PDE2A: variants seen among roughly 807,000 people sequenced by gnomAD.
PDE2A encodes cGMP-dependent 3',5'-cyclic phosphodiesterase.
A neutral mutation model predicts 133.6 loss-of-function variants in PDE2A; 53 were observed. The observed-to-expected ratio is 0.40, with a 90% CI of 0.32 to 0.50. The LOEUF (loss-of-function observed/expected upper bound fraction) is 0.50. Among genes scored for constraint, PDE2A ranks in the 20% least tolerant of loss-of-function variants. PDE2A has a pLI of 0.73. For synonymous variants in PDE2A, 491 were observed against 490.2 expected (o/e 1.00, Z -0.02); for missense variants, 796 against 1,232.4 (o/e 0.65, Z 5.30).
chr11:72,595,371 C>T (rs989587643), intron 6 of PDE2A, among the ~76,000 whole-genome samples: 6 of 152,044 alleles, frequency 3.9e-5, no homozygotes, highest in African/African-American at 1.2e-4. Context: ...TAGGGGGAGG[C>T]GACCCCCTGA....
chr11:72,641,392 C>A (rs545797160), intron 2 of PDE2A, among the ~76,000 whole-genome samples: 1 of 152,288 alleles, frequency 6.6e-6, no homozygotes, highest in East Asian at 1.9e-4. Context: ...CTCCTCACCA[C>A]AAAGCAGAGG....
chr11:72,650,274 T>G (rs1036576561), intron 1 of PDE2A, among the ~76,000 whole-genome samples: 1 of 152,016 alleles, frequency 6.6e-6, no homozygotes, highest in Non-Finnish European at 1.5e-5. Context: ...CCATCTGCCT[T>G]GGCCTCCCAA....
chr11:72,596,722 G>T (rs148193082), intron 5 of PDE2A, 74 bp from the exon 6 acceptor site: 38 of 952,778 alleles, frequency 4.0e-5, no homozygotes, highest in Admixed American at 9.5e-5. Flanking sequence ...GGACCCAGGT[G>T]GGGGAGACAA....
At chr11:72,614,054 C>T (rs899915878) in intron 2 of PDE2A, among the ~76,000 whole-genome samples, 2 of 152,260 alleles carry the variant, frequency 1.3e-5, no homozygotes, top group Non-Finnish European at 2.9e-5. Context: ...CCCCTGGCCT[C>T]AGCCCAGCAC....
intron 19 of PDE2A, 31 bp downstream of exon 19, chr11:72,584,170 C>T (rs775674150): frequency 2.3e-6 from 2 of 872,804 alleles, no homozygotes; most frequent in Admixed American, 3.8e-5. Flanking sequence ...CCCCCTATCA[C>T]CCCACACCCC....
At chr11:72,655,875 A>G (rs1242889973) in intron 1 of PDE2A, among the ~76,000 whole-genome samples, 1 of 152,196 alleles carries the variant, frequency 6.6e-6, no homozygotes, top group African/African-American at 2.4e-5. Context: ...CTATTCCCTA[A>G]CCCTCGGGCC....
chr11:72,586,774 G>T (rs1013168306), intron 13 of PDE2A, among the ~76,000 whole-genome samples: 2 of 152,188 alleles, frequency 1.3e-5, no homozygotes, highest in Admixed American at 1.3e-4. Flanking sequence ...CAATGGTGTG[G>T]GTCATGGGAA....
At chr11:72,595,035 GACACACACACACACAC>G (rs34720227) in intron 6 of PDE2A, among the ~76,000 whole-genome samples, 4 of 148,658 alleles carry the variant, frequency 2.7e-5, no homozygotes, top group Non-Finnish European at 6.0e-5. Flanking sequence ...GCGTCCCTGA[GACACACACACACACAC>G]ACACACACAC....
intron 2 of PDE2A, among the ~76,000 whole-genome samples, chr11:72,620,111 G>A (rs1857684978): frequency 6.6e-6 from 1 of 152,152 alleles, no homozygotes; most frequent in African/African-American, 2.4e-5. Context: ...TAGCCTGCAC[G>A]GTTAAGAGAC....
chr11:72,674,380 C>T lies in PDE2A; in HGVS notation c.-173G>A, dbSNP rs1285562897. The T allele has an allele frequency of 5.1e-6, 3 of 591,942 alleles. No individual in the cohort carries two copies. Among genetic ancestry groups the T allele is most frequent in the African/African-American group, 1.9e-5 (1 of 53,174 alleles). 36.7% of individuals were successfully genotyped at this position (591,942 alleles called of 1,614,324 possible). The stretch of plus-strand genomic sequence containing the variant: ...ATCCAGCTCTGCTGCCCCGCTGCTC[C>T]CGCCTCTCCCGCTGCCACTGCCTCT... On this transcript the variant is annotated 5_prime_UTR_variant, in exon 1 of 31. Coordinates refer to ENST00000334456, the MANE Select transcript of PDE2A (RefSeq NM_002599.5).
rs151098145 is a variant in PDE2A at position 72,582,115 on chromosome 11, T to C, written c.1852-168A>G. 3.7e-4 allele frequency: 236 copies of C among 635,396 alleles called. 1 individual carries two copies. In the African/African-American group the frequency reaches 4.0e-3, roughly 11 times the overall value. 39.4% of individuals were successfully genotyped at this position (635,396 alleles called of 1,614,324 possible). ...CAACCGTTCTCGGAGCTATGCATTTTTAGAGATCTAAGAACTAAGAACTCT... is the reference window on the plus strand; with the variant it reads ...CAACCGTTCTCGGAGCTATGCATTTCTAGAGATCTAAGAACTAAGAACTCT... On this transcript the variant is annotated intron_variant, in intron 21 of 30. Transcript: ENST00000334456.
intron 1 of PDE2A, among the ~76,000 whole-genome samples, chr11:72,661,469 C>T (rs573517406): frequency 3.9e-5 from 6 of 152,262 alleles, no homozygotes; most frequent in South Asian, 4.2e-4. Context: ...ACCACCTCAA[C>T]GAGCACAGGC....
At chr11:72,655,884 C>T (rs910116300) in intron 1 of PDE2A, among the ~76,000 whole-genome samples, 31 of 152,166 alleles carry the variant, frequency 2.0e-4, no homozygotes, top group African/African-American at 7.0e-4. Context: ...AACCCTCGGG[C>T]CCCCCAGAGT....
chr11:72,617,942 C>T (rs1036698595), intron 2 of PDE2A, among the ~76,000 whole-genome samples: 3 of 152,188 alleles, frequency 2.0e-5, no homozygotes, highest in Non-Finnish European at 4.4e-5. Flanking sequence ...GAGTGGGGTC[C>T]GTCTGGGGCA....
At chr11:72,596,550 T>C (rs1237132094) in intron 6 of PDE2A, 43 bp downstream of exon 6, 6 of 1,193,248 alleles carry the variant, frequency 5.0e-6, no homozygotes, top group Non-Finnish European at 6.8e-6. Flanking sequence ...CTCCCTCCCA[T>C]GGTCTCCTCT....
At chr11:72,673,960 T>C (rs1425353456) in intron 1 of PDE2A, among the ~76,000 whole-genome samples, 177 bp downstream of exon 1, 1 of 152,126 alleles carries the variant, frequency 6.6e-6, no homozygotes, top group Non-Finnish European at 1.5e-5. Context: ...AGAGGTAACC[T>C]GCCCCCACCC....
intron 1 of PDE2A, among the ~76,000 whole-genome samples, chr11:72,650,764 G>T (rs1369873608): frequency 6.6e-6 from 1 of 152,110 alleles, no homozygotes; most frequent in African/African-American, 2.4e-5. Flanking sequence ...CCACCAGACA[G>T]CTGCAGCCCT....
Position 72,584,590 on chromosome 11 carries a change from G to A in PDE2A, c.1498C>T (p.Arg500Cys). ...TTGATGGGGAAGCAGAGGATGTTGC[G>A]CGTGCGGAAGCCGGTGCTGTCGTCC... ...GVDDSTGFRTRNILCFPIKNE... is the reference protein window; with the variant it reads ...GVDDSTGFRTCNILCFPIKNE... The change falls in exon 18 of 31, where the codon CGC becomes TGC. Residue 500 changes from arginine to cysteine, a missense_variant. By Grantham distance (180) the Arg-to-Cys change is radical (BLOSUM62 -3). This residue lies in a region of PDE2A where 218 missense variants were observed against 465.9 expected (regional missense o/e 0.47). Coordinates refer to ENST00000334456, the MANE Select transcript of PDE2A (RefSeq NM_002599.5). 6.2e-7 allele frequency: 1 copy of A among 1,612,324 alleles called. No homozygotes were observed. Among genetic ancestry groups the A allele is most frequent in the Non-Finnish European group, 8.5e-7 (1 of 1,179,976 alleles).
At position 72,581,431 on chromosome 11, in the gene PDE2A, G is replaced by A. The variant is rs774707137; in HGVS notation, c.1971C>T (p.Asn657=). The A allele has an allele frequency of 1.2e-6, 2 of 1,609,938 alleles. No individual in the cohort carries two copies. Among genetic ancestry groups the A allele is most frequent in the Non-Finnish European group, 1.7e-6 (2 of 1,178,608 alleles). The change falls in exon 23 of 31, where the codon AAC becomes AAT. Residue 657 remains asparagine, a synonymous_variant. Coordinates refer to ENST00000334456, the MANE Select transcript of PDE2A (RefSeq NM_002599.5). ...GGGAGACAGAAAAGGCGTGCATCCA[G>A]TTGTGGTAGGGGGGATCCCGGTAGC... ...KKGYRDPPYH[N]WMHAFSVSHF... is the part of the protein sequence containing the mutation.
Sources: gnomAD v4.1 joint callset for allele counts (sites outside exome capture counted in the v4.1 genomes callset) on GRCh38, gnomAD v4.1.1 for gene constraint, gnomAD v4.1.1 regional missense constraint, MANE v1.5 for transcripts, NCBI Gene and HGNC (gene_info 2026-07-23, HGNC 2026-07-21) for gene names.